Variants in RARS2 observed in about 807,000 individuals in gnomAD.
The protein encoded by RARS2 is arginyl-tRNA synthetase 2, mitochondrial.
Under a neutral mutation model 88.5 loss-of-function variants are expected in RARS2, and 67 were observed. That is an observed-to-expected ratio of 0.76 (90% confidence interval 0.62 to 0.93). The LOEUF is 0.93. RARS2 is among the 40% of genes least tolerant of loss of function. The probability of loss-of-function intolerance (pLI) is 0.00; values close to 1 mark genes in which losing one functional copy is unlikely to be tolerated. For synonymous variants in RARS2, 239 were observed against 230.3 expected (o/e 1.04, Z -0.34); for missense variants, 664 against 684.2 (o/e 0.97, Z 0.33).
chr6:87,585,278 G>A (rs1774790835), intron 1 of RARS2, among the ~76,000 whole-genome samples: 1 of 152,174 alleles, frequency 6.6e-6, no homozygotes, highest in South Asian at 2.1e-4. Flanking sequence ...GGAAATAAGA[G>A]TGAATAAGAC....
At chr6:87,556,943 T>C (rs1232167070) in intron 4 of RARS2, among the ~76,000 whole-genome samples, 1 of 152,018 alleles carries the variant, frequency 6.6e-6, no homozygotes, top group Middle Eastern at 3.2e-3. Context: ...TGAGCCACCA[T>C]GCCTGGCCCC....
At chr6:87,526,869 C>G (rs1316521854) in intron 10 of RARS2, among the ~76,000 whole-genome samples, 2 of 151,738 alleles carry the variant, frequency 1.3e-5, no homozygotes, top group African/African-American at 2.4e-5. Context: ...TGGGGTTTCT[C>G]CATGTTGGTC....
chr6:87,532,430 G>A (rs1777821414), intron 8 of RARS2, among the ~76,000 whole-genome samples: 1 of 152,196 alleles, frequency 6.6e-6, no homozygotes, highest in Non-Finnish European at 1.5e-5. Context: ...CTGGGAGTTT[G>A]GGATTTAGGA....
In RARS2 at chr6:87,564,111, G is replaced by C. The variant is rs778516139; in HGVS notation, c.213+19C>G. The C allele has an allele frequency of 5.8e-6, 9 of 1,542,120 alleles. No individual in the cohort carries two copies. Among genetic ancestry groups the C allele is most frequent in the Non-Finnish European group, 7.2e-6 (8 of 1,114,408 alleles). The stretch of plus-strand genomic sequence containing the variant: ...CAAGTTTATTACAATGTCAAAAAGA[G>C]ATAATAGTGCTAACGTACCTTCTCT... On this transcript the variant is annotated intron_variant, in intron 3 of 19. Transcript: ENST00000369536.
At chr6:87,570,439 GAC>G (rs1769298841) in intron 1 of RARS2, among the ~76,000 whole-genome samples, 1 of 152,148 alleles carries the variant, frequency 6.6e-6, no homozygotes, top group East Asian at 1.9e-4. Flanking sequence ...TTTTTTTTGA[GAC>G]AGAGTCTCGC....
chr6:87,586,803 T>C (rs944010913), intron 1 of RARS2, among the ~76,000 whole-genome samples: 2 of 152,232 alleles, frequency 1.3e-5, no homozygotes, highest in Non-Finnish European at 2.9e-5. Context: ...GTTTCAACTT[T>C]TGAATTTTTT....
chr6:87,562,132 T>G (rs1017435375), intron 4 of RARS2, among the ~76,000 whole-genome samples: 1 of 152,144 alleles, frequency 6.6e-6, no homozygotes, highest in Non-Finnish European at 1.5e-5. Flanking sequence ...GTGTGGCTAA[T>G]TTTTAAATTT....
In RARS2 at chr6:87,574,221, G is replaced by C. The variant is rs1770696685; in HGVS notation, c.37-4631C>G. Among the ~76,000 whole-genome samples the C allele has an allele frequency of 3.3e-5, 5 of 152,288 alleles. No homozygotes were observed. The South Asian group carries it at 6.2e-4, about 19-fold the overall frequency. On this transcript the variant is annotated intron_variant, in intron 1 of 19. Transcript: ENST00000369536. Reference sequence around the variant, plus strand: ...ACTGCAGAAAGCAAACCTTGATATGGTGTTGTGTGAGCAGTAAGAATCAGA... The same window carrying C: ...ACTGCAGAAAGCAAACCTTGATATGCTGTTGTGTGAGCAGTAAGAATCAGA...
chr6:87,552,098 A>C (rs936571014), intron 5 of RARS2, among the ~76,000 whole-genome samples: 2 of 152,186 alleles, frequency 1.3e-5, no homozygotes, highest in Non-Finnish European at 2.9e-5. Flanking sequence ...AGTTAAGTAT[A>C]CAGGTTTCAG....
intron 6 of RARS2, 61 bp from the exon 7 acceptor site, chr6:87,545,760 C>T: frequency 6.4e-7 from 1 of 1,555,714 alleles, no homozygotes; most frequent in Non-Finnish European, 8.8e-7. Flanking sequence ...ACATAAGAAC[C>T]ATGTACTTCT....
intron 8 of RARS2, among the ~76,000 whole-genome samples, chr6:87,537,020 A>C (rs139382530): frequency 7.2e-5 from 11 of 152,246 alleles, no homozygotes; most frequent in Admixed American, 6.5e-4. Flanking sequence ...TGGGTGTTAA[A>C]TATTTTCATC....
At chr6:87,534,635 TA>T (rs988483495) in intron 8 of RARS2, among the ~76,000 whole-genome samples, 7 of 151,962 alleles carry the variant, frequency 4.6e-5, no homozygotes, top group Non-Finnish European at 8.8e-5. Context: ...CTGTCCCAAA[TA>T]AGCAGAGAGA....
intron 19 of RARS2, 96 bp downstream of exon 19, chr6:87,514,861 C>G (rs1771024904): frequency 2.0e-6 from 2 of 1,009,988 alleles, no homozygotes; most frequent in Admixed American, 3.4e-5. Flanking sequence ...TACAGTTGAA[C>G]AACAGAATGC....
At chr6:87,553,197 G>A (rs940214719) in intron 5 of RARS2, among the ~76,000 whole-genome samples, 3 of 152,110 alleles carry the variant, frequency 2.0e-5, no homozygotes, top group Non-Finnish European at 2.9e-5. Context: ...GCTACCCTGC[G>A]GGAGAGACAA....
chr6:87,585,892 C>T (rs1748549920), intron 1 of RARS2, among the ~76,000 whole-genome samples: 1 of 152,034 alleles, frequency 6.6e-6, no homozygotes, highest in Non-Finnish European at 1.5e-5. Flanking sequence ...AAATGCATTT[C>T]TTTTAGGCAC....
intron 4 of RARS2, among the ~76,000 whole-genome samples, chr6:87,556,588 C>T (rs558711954): frequency 6.6e-6 from 1 of 151,828 alleles, no homozygotes; most frequent in South Asian, 2.1e-4. Flanking sequence ...AGATTGAGAC[C>T]ATCCTGGCCA....
intron 13 of RARS2, 100 bp from the exon 14 acceptor site, chr6:87,519,807 G>T: frequency 7.2e-7 from 1 of 1,394,536 alleles, no homozygotes; most frequent in Non-Finnish European, 1.0e-6. Flanking sequence ...AACCATCAGA[G>T]CAGAGTTTTT....
intron 1 of RARS2, among the ~76,000 whole-genome samples, chr6:87,569,970 A>G (rs1306910762): frequency 6.6e-6 from 1 of 152,046 alleles, no homozygotes; most frequent in East Asian, 1.9e-4. Flanking sequence ...TTTTTTCATT[A>G]AAAAAATTGA....
At chr6:87,583,172 G>C (rs927730726) in intron 1 of RARS2, among the ~76,000 whole-genome samples, 4 of 152,172 alleles carry the variant, frequency 2.6e-5, no homozygotes, top group Non-Finnish European at 5.9e-5. Context: ...AACGATGAAG[G>C]AAATGTGGCA....
Sources: gnomAD v4.1 joint callset for allele counts (sites outside exome capture counted in the v4.1 genomes callset) on GRCh38, gnomAD v4.1.1 for gene constraint, MANE v1.5 for transcripts, NCBI Gene and HGNC (gene_info 2026-07-23, HGNC 2026-07-21) for gene names.